Variants in LCP2 observed in about 807,000 individuals in gnomAD.
LCP2 encodes the protein lymphocyte cytosolic protein 2.
In LCP2, 29 loss-of-function variants were observed where a neutral mutation model predicts 74.5. That is an observed-to-expected ratio of 0.39 (90% CI 0.29 to 0.53). The LOEUF is 0.53. Among genes scored for constraint, LCP2 ranks in the 20% least tolerant of loss-of-function variants. The pLI, the probability that LCP2 is intolerant of heterozygous loss-of-function variation, is 0.72. For missense variants in LCP2, 604 were observed against 634.6 expected, an observed-to-expected ratio of 0.95 and a Z score of 0.52; for synonymous variants, 228 against 229.5, an observed-to-expected ratio of 0.99 and a Z score of 0.06.
chr5:170,290,159 G>A (rs1762265413), intron 2 of LCP2, among the ~76,000 whole-genome samples: 1 of 152,142 alleles, frequency 6.6e-6, no homozygotes, highest in South Asian at 2.1e-4. Context: ...AGTAAACTCT[G>A]GGTTATTTGC....
intron 1 of LCP2, among the ~76,000 whole-genome samples, chr5:170,294,589 C>T (rs1187544491): frequency 6.6e-6 from 1 of 152,120 alleles, no homozygotes; most frequent in Non-Finnish European, 1.5e-5. Context: ...ACATTTTAAG[C>T]CATATTTTTA....
chr5:170,258,083 T>C lies in LCP2; in HGVS notation c.1054A>G (p.Met352Val), dbSNP rs1761589814. Residue 352 changes from methionine (M) to valine (V), a missense_variant, in exon 16 of 21, where the codon ATG becomes GTG. Met to Val is a conservative substitution (Grantham distance 21). Coordinates refer to ENST00000046794, the MANE Select transcript of LCP2 (RefSeq NM_005565.5). ...ATGTGAGAGGATGGGAGAGGGTTCATGGGACTTGGCTTAGTAGATCTTGAA... is the reference window on the plus strand; with the variant it reads ...ATGTGAGAGGATGGGAGAGGGTTCACGGGACTTGGCTTAGTAGATCTTGAA... ...FPSRSTKPSPMNPLPSSHMPG... is the reference protein window; with the variant it reads ...FPSRSTKPSPVNPLPSSHMPG... The C allele has an allele frequency of 1.2e-6, 2 of 1,613,972 alleles. No individual in the cohort carries two copies. Among genetic ancestry groups the C allele is most frequent in the Non-Finnish European group, 1.7e-6 (2 of 1,179,824 alleles).
chr5:170,261,003 C>G, intron 14 of LCP2, 104 bp downstream of exon 14: 1 of 825,020 alleles, frequency 1.2e-6, no homozygotes, highest in Admixed American at 2.0e-5. Flanking sequence ...AGGACCTGCT[C>G]CAGGTTCTGG....
At chr5:170,282,236 G>A (rs1762117680) in intron 3 of LCP2, among the ~76,000 whole-genome samples, 4 of 152,188 alleles carry the variant, frequency 2.6e-5, no homozygotes, top group Admixed American at 2.6e-4. Flanking sequence ...TCAGAAGAGT[G>A]TAATATTGTT....
intron 10 of LCP2, among the ~76,000 whole-genome samples, chr5:170,264,531 C>G (rs1761713879): frequency 6.6e-6 from 1 of 152,246 alleles, no homozygotes; most frequent in African/African-American, 2.4e-5. Context: ...CTTACTGACA[C>G]TGAGTGTGGT....
chr5:170,267,270 C>G, intron 8 of LCP2, 195 bp from the exon 9 acceptor site: 1 of 609,778 alleles, frequency 1.6e-6, no homozygotes, highest in Non-Finnish European at 2.9e-6. Flanking sequence ...CACGCAAGCT[C>G]TTTTCTGCAG....
chr5:170,268,913 G>GCATATATATGCACACACATT (rs1761835547), intron 7 of LCP2, among the ~76,000 whole-genome samples: 1 of 152,198 alleles, frequency 6.6e-6, no homozygotes, highest in African/African-American at 2.4e-5. Context: ...GCACACACCT[G>GCATATATATGCACACACATT]CATACACAGA....
chr5:170,266,890 G>C lies in LCP2; in HGVS notation c.690C>G (p.Leu230=), dbSNP rs1761768141. The C allele has an allele frequency of 6.2e-7, 1 of 1,613,784 alleles. No homozygotes were observed. Among genetic ancestry groups the C allele is most frequent in the Non-Finnish European group, 8.5e-7 (1 of 1,179,692 alleles). The change falls in exon 10 of 21, where the codon CTC becomes CTG. Residue 230 remains leucine (L), a splice_region_variant and synonymous_variant. Transcript: ENST00000046794. ...SRSRNHKTAK[L]PAPSIDRSTK... The stretch of plus-strand genomic sequence containing the variant: ...TGCTTCTGTCTATTGAAGGAGCAGG[G>C]ACTGGAAGGGGAAAAGGCTGACATC...
Position 170,278,701 on chromosome 5 carries a change from T to C in LCP2, c.189-2841A>G, listed in dbSNP as rs537593326. ...TGCTTTGGATCTTGAAAGAACCTCC[T>C]GCTCTCTGCGGTGTTGCCTCTCACC... On this transcript the variant is annotated intron_variant, in intron 3 of 20. Coordinates refer to ENST00000046794, the MANE Select transcript of LCP2 (RefSeq NM_005565.5). 6.2e-4 allele frequency among the ~76,000 whole-genome samples: 94 copies of C among 152,214 alleles called. 1 individual carries two copies. Among genetic ancestry groups the C allele is most frequent in the African/African-American group, 2.2e-3 (93 of 41,536 alleles).
chr5:170,248,776 A>G lies in LCP2; in HGVS notation c.1523T>C (p.Met508Thr). Residue 508 changes from methionine (M) to threonine (T), a missense_variant, in exon 21 of 21, where the codon ATG becomes ACG. By Grantham distance (81) the Met-to-Thr change is moderately conservative (BLOSUM62 -1). Transcript: ENST00000046794. ...TTTCCCATCAATGAGCAGAAGTGGCATTTTCCTGAAGTAGTCAATAATATC... is the reference window on the plus strand; with the variant it reads ...TTTCCCATCAATGAGCAGAAGTGGCGTTTTCCTGAAGTAGTCAATAATATC... The part of the protein sequence containing the change: ...VSDIIDYFRK[M>T]PLLLIDGKNR... The G allele has an allele frequency of 6.2e-7, 1 of 1,612,336 alleles. No individual in the cohort carries two copies. Among genetic ancestry groups the G allele is most frequent in the Non-Finnish European group, 8.5e-7 (1 of 1,179,202 alleles).
intron 14 of LCP2, 23 bp from the exon 15 acceptor site, chr5:170,258,901 A>AT (rs1266596267): frequency 6.5e-7 from 1 of 1,542,502 alleles, no homozygotes. Flanking sequence ...AGAAAAAAAA[A>AT]GATATTAAGC....
intron 10 of LCP2, among the ~76,000 whole-genome samples, chr5:170,264,267 C>A (rs1761709706): frequency 6.6e-6 from 1 of 152,340 alleles, no homozygotes; most frequent in South Asian, 2.1e-4. Flanking sequence ...AATTGCAATT[C>A]TTTCTTCCTA....
At chr5:170,296,667 G>A (rs1166630771) in intron 1 of LCP2, among the ~76,000 whole-genome samples, 1 of 152,220 alleles carries the variant, frequency 6.6e-6, no homozygotes, top group Non-Finnish European at 1.5e-5. Context: ...CTATAACTAA[G>A]TCATGTGGCT....
chr5:170,258,192 T>A, intron 15 of LCP2, 26 bp from the exon 16 acceptor site: 1 of 1,612,692 alleles, frequency 6.2e-7, no homozygotes, highest in Non-Finnish European at 8.5e-7. Flanking sequence ...AAACAATGAA[T>A]GAGATTGGCA....
chr5:170,254,212 A>C (rs1433878033), intron 17 of LCP2, among the ~76,000 whole-genome samples: 1 of 152,228 alleles, frequency 6.6e-6, no homozygotes, highest in Non-Finnish European at 1.5e-5. Context: ...ATGCGCTATC[A>C]GTGGCAAAGC....
chr5:170,293,998 G>T (rs1278579311), intron 1 of LCP2, among the ~76,000 whole-genome samples: 7 of 152,132 alleles, frequency 4.6e-5, no homozygotes, highest in Admixed American at 4.6e-4. Flanking sequence ...CTTTCTGTGT[G>T]GCAGGCAGTG....
At chr5:170,277,902 A>G (rs1310041790) in intron 3 of LCP2, among the ~76,000 whole-genome samples, 1 of 151,680 alleles carries the variant, frequency 6.6e-6, no homozygotes, top group African/African-American at 2.4e-5. Flanking sequence ...ATTGTTGACA[A>G]CTCCAGGCTT....
chr5:170,287,508 A>G (rs1401436148), intron 3 of LCP2, among the ~76,000 whole-genome samples: 1 of 152,218 alleles, frequency 6.6e-6, no homozygotes, highest in South Asian at 2.1e-4. Flanking sequence ...TCTTCTCAAC[A>G]TAACACCCCT....
intron 1 of LCP2, among the ~76,000 whole-genome samples, chr5:170,295,325 A>G (rs1762355327): frequency 6.6e-6 from 1 of 152,236 alleles, no homozygotes; most frequent in African/African-American, 2.4e-5. Flanking sequence ...CCCAGCTAGG[A>G]GCCAGTTAAT....
Sources: allele counts gnomAD v4.1 joint callset (sites outside exome capture counted in the v4.1 genomes callset), GRCh38; gene constraint gnomAD v4.1.1; transcripts MANE v1.5; gene names NCBI Gene and HGNC (gene_info 2026-07-23, HGNC 2026-07-21).